Variants in TYMP observed in about 807,000 individuals in gnomAD.
TYMP encodes the protein thymidine phosphorylase.
TYMP carries 46 observed loss-of-function variants against 42.3 expected under a neutral mutation model. The ratio of observed to expected loss-of-function variants is 1.09; its 90% CI spans 0.86 to 1.39. TYMP has a LOEUF of 1.39. TYMP is among the 40% of genes most tolerant of loss of function. TYMP has a pLI of 0.00. For synonymous variants in TYMP, 363 were observed against 308.0 expected (o/e 1.18, Z -1.87); for missense variants, 837 against 677.6 (o/e 1.24, Z -2.61).
At chr22:50,526,765 C>T (rs1388432906) in intron 6 of TYMP, 27 bp from the exon 7 acceptor site, 1 of 1,530,988 alleles carries the variant, frequency 6.5e-7, no homozygotes, top group African/African-American at 1.4e-5. Flanking sequence ...CAGCGTGGAC[C>T]CCCCATGGCG....
chr22:50,528,789 G>T, intron 3 of TYMP, 179 bp from the exon 4 acceptor site: 1 of 660,824 alleles, frequency 1.5e-6, no homozygotes, highest in Non-Finnish European at 2.7e-6. Context: ...GTCAGTAGGG[G>T]AGGAGGTTGG....
At chr22:50,526,835 G>T in intron 6 of TYMP, 97 bp from the exon 7 acceptor site, 1 of 1,307,260 alleles carries the variant, frequency 7.6e-7, no homozygotes, top group East Asian at 2.5e-5. Context: ...TGGGTTGCCA[G>T]CCCCCCAGCA....
At chr22:50,529,054 T>G in intron 3 of TYMP, 82 bp downstream of exon 3, 212 of 1,441,810 alleles carry the variant, frequency 1.5e-4, no homozygotes, top group Non-Finnish European at 1.8e-4. Context: ...GGGCCAGGCT[T>G]GAGGTTGGGA....
intron 1 of TYMP, 62 bp downstream of exon 1, chr22:50,529,842 T>C (rs1603442102): frequency 2.4e-6 from 2 of 847,362 alleles, no homozygotes; most frequent in East Asian, 2.7e-5. Flanking sequence ...CCCGTGTCTG[T>C]GTCGCCCTCG....
Position 50,528,928 on chromosome 22 carries a change from CAA to C in TYMP, c.417+206_417+207del, listed in dbSNP as rs1428084868. 5 of 640,124 alleles carry C rather than the reference CAA, an allele frequency of 7.8e-6. No individual in the cohort carries two copies. In the African/African-American group the frequency reaches 9.1e-5, roughly 12 times the overall value. 39.7% of individuals were successfully genotyped at this position (640,124 alleles called of 1,614,324 possible). A position where few individuals can be genotyped will look rare whatever the true frequency, so the allele number is the denominator to read the frequency against. On this transcript the variant is annotated intron_variant, in intron 3 of 9. Coordinates refer to ENST00000252029, the MANE Select transcript of TYMP (RefSeq NM_001953.5). ...CCATCAGTGGATCTTTTTCCTGCTC[CAA>C]GGGGCCTGGTCTGGAGCCAGAGGGG...
chr22:50,529,677 G>C lies in TYMP; in HGVS notation c.33C>G (p.Ala11=). The C allele has an allele frequency of 6.2e-7, 1 of 1,611,878 alleles. No homozygotes were observed. The highest frequency in any genetic ancestry group is 8.5e-7 in the Non-Finnish European group (1 of 1,179,594). Residue 11 remains alanine, a synonymous_variant, in exon 2 of 10, where the codon GCC becomes GCG. Coordinates refer to ENST00000252029, the MANE Select transcript of TYMP (RefSeq NM_001953.5). ...CGGAGAAGTCACCAGGCGCGGGTGGGGCCCCGGTTCCCGGGGTCATCAAGG... is the reference window on the plus strand; with the variant it reads ...CGGAGAAGTCACCAGGCGCGGGTGGCGCCCCGGTTCCCGGGGTCATCAAGG... MAALMTPGTG[A]PPAPGDFSGE... is the part of the protein sequence containing the mutation.
rs188531143 is a variant in TYMP, at chr22:50,529,484, C to T, written c.214+12G>A. The T allele has an allele frequency of 1.7e-5, 28 of 1,612,070 alleles. No individual in the cohort carries two copies. The highest frequency in any genetic ancestry group is 8.3e-5 in the Admixed American group (5 of 60,026). ...CAGTCGGGGTCAGGAACGCCCAACC[C>T]TCCCCACGCACCGATCTGTGCGCCC... On this transcript the variant is annotated intron_variant, in intron 2 of 9. Transcript: ENST00000252029.
rs775483918 is a variant in TYMP, at chr22:50,526,463, G to A, written c.942C>T (p.Leu314=). The change falls in exon 8 of 10, where the codon CTC becomes CTT. Residue 314 remains leucine, a synonymous_variant. Transcript: ENST00000252029. ...DLVTTLGGAL[L]WLSGHAGTQA... is the part of the protein sequence containing the mutation. ...GAGTCCCCGCGTGTCCGCTGAGCCAGAGCAGGGCGCCCCCTGCGGGCGGGG... is the reference window on the plus strand; with the variant it reads ...GAGTCCCCGCGTGTCCGCTGAGCCAAAGCAGGGCGCCCCCTGCGGGCGGGG... The A allele has an allele frequency of 6.7e-7, 1 of 1,493,130 alleles. No homozygotes were observed. The highest frequency in any genetic ancestry group is 8.8e-7 in the Non-Finnish European group (1 of 1,130,110). The allele number at this position is 1,493,130 out of a possible 1,614,324, so 92.5% of individuals were successfully genotyped here.
chr22:50,528,482 G>A (rs2069474745), intron 4 of TYMP, 30 bp downstream of exon 4: 3 of 1,585,244 alleles, frequency 1.9e-6, no homozygotes, highest in South Asian at 1.1e-5. Context: ...CATCAACCTG[G>A]ATTAATGACT....
rs1171808968 is a variant in TYMP, at chr22:50,526,456, T to C, written c.949A>G (p.Ser317Gly). ...TTLGGALLWL[S>G]GHAGTQAQGA... ...TGGGCCTGAGTCCCCGCGTGTCCGC[T>C]GAGCCAGAGCAGGGCGCCCCCTGCG... is the stretch of plus-strand genomic sequence containing the variant. The change falls in exon 8 of 10, where the codon AGC becomes GGC. Residue 317 changes from serine (S) to glycine (G), a missense_variant. Coordinates refer to ENST00000252029, the MANE Select transcript of TYMP (RefSeq NM_001953.5). 1.1e-5 allele frequency: 16 copies of C among 1,493,718 alleles called. No homozygotes were observed. The highest frequency in any genetic ancestry group is 1.2e-5 in the Non-Finnish European group (14 of 1,130,640). 92.5% of individuals were successfully genotyped at this position (1,493,718 alleles called of 1,614,324 possible). A position where few individuals can be genotyped will look rare whatever the true frequency, so the allele number is the denominator to read the frequency against.
At chr22:50,528,301 C>G in intron 4 of TYMP, 1 of 629,554 alleles carries the variant, frequency 1.6e-6, no homozygotes. Context: ...CACCGTGCCC[C>G]GCCAGCCATC....
intron 4 of TYMP, chr22:50,528,130 GCC>G (rs1463915094): frequency 2.6e-6 from 1 of 384,910 alleles, no homozygotes; most frequent in African/African-American, 2.1e-5. Flanking sequence ...TCCTGCCTCA[GCC>G]TCCTGAGTAG....
chr22:50,528,661 T>C (rs769697300), intron 3 of TYMP, 51 bp from the exon 4 acceptor site: 23 of 1,406,618 alleles, frequency 1.6e-5, no homozygotes, highest in Non-Finnish European at 2.2e-5. Flanking sequence ...CCCCCACCTC[T>C]GTGCATCCCT....
In TYMP at chr22:50,527,179, G is replaced by C. The variant is rs1487581282; in HGVS notation, c.751C>G (p.Leu251Val). The change falls in exon 6 of 10, where the codon CTG becomes GTG. Residue 251 changes from leucine to valine, a missense_variant. Physicochemically the swap from Leu to Val is conservative, Grantham distance 32. Coordinates refer to ENST00000252029, the MANE Select transcript of TYMP (RefSeq NM_001953.5). ...ACACCGCTCACCAGCGTCTTTGCCA[G>C]CTCCCGGGCCTGCTCCTGGTTGGGG... Reference protein sequence around the residue: ...VFPNQEQARELAKTLVGVGAS... With the variant: ...VFPNQEQAREVAKTLVGVGAS... 1 of 1,612,766 alleles carries C rather than the reference G, an allele frequency of 6.2e-7. No individual in the cohort carries two copies. The highest frequency in any genetic ancestry group is 2.2e-5 in the East Asian group (1 of 44,884).
chr22:50,530,031 G>T (rs2069535344), upstream of TYMP: 1 of 348,624 alleles, frequency 2.9e-6, no homozygotes, highest in Admixed American at 4.8e-5. Flanking sequence ...CGGGGCGGCG[G>T]CGCCCCAGGA....
At chr22:50,526,797 T>C (rs1487060773) in intron 6 of TYMP, 59 bp from the exon 7 acceptor site, 1 of 1,509,976 alleles carries the variant, frequency 6.6e-7, no homozygotes, top group Non-Finnish European at 8.9e-7. Context: ...AGCCGGTTCT[T>C]GGTCGAACTC....
chr22:50,526,684 C>T lies in TYMP; in HGVS notation c.820G>A (p.Asp274Asn). The T allele has an allele frequency of 6.5e-7, 1 of 1,547,002 alleles. No homozygotes were observed. Among genetic ancestry groups the T allele is most frequent in the Non-Finnish European group, 8.7e-7 (1 of 1,149,698 alleles). ...LRVAAALTAM[D>N]KPLGRCVGHA... ...CCCACGCAGCGACCCAGGGGCTTGTCCATGGCGGTCAGCGCTGCCGCGACC... is the reference window on the plus strand; with the variant it reads ...CCCACGCAGCGACCCAGGGGCTTGTTCATGGCGGTCAGCGCTGCCGCGACC... Residue 274 changes from aspartate to asparagine, a missense_variant, in exon 7 of 10, where the codon GAC becomes AAC. Asp to Asn is a conservative substitution (Grantham distance 23). Transcript: ENST00000252029.
Position 50,526,132 on chromosome 22 carries a change from T to C in TYMP, c.1169A>G (p.Glu390Gly). The change falls in exon 9 of 10, where the codon GAG becomes GGG. Residue 390 changes from glutamate (E) to glycine (G), a missense_variant. Physicochemically the swap from Glu to Gly is moderately conservative, Grantham distance 98 (BLOSUM62 -2). Coordinates refer to ENST00000252029, the MANE Select transcript of TYMP (RefSeq NM_001953.5). ...CGCCAGCGGCAGCGCCCGGACCAGC[T>C]CCACGGTGCCTGCGGGGAGAGGGGC... ...ELLAPADGTV[E>G]LVRALPLALV... 6.7e-7 allele frequency: 1 copy of C among 1,487,940 alleles called. No homozygotes were observed. The highest frequency in any genetic ancestry group is 8.9e-7 in the Non-Finnish European group (1 of 1,126,826). The allele number at this position is 1,487,940 out of a possible 1,614,324, so 92.2% of individuals were successfully genotyped here. A position where few individuals can be genotyped will look rare whatever the true frequency, so the allele number is the denominator to read the frequency against.
At chr22:50,527,437 C>T (rs765435346) in intron 5 of TYMP, 151 bp downstream of exon 5, 1 of 1,352,662 alleles carries the variant, frequency 7.4e-7, no homozygotes, top group African/African-American at 1.4e-5. Flanking sequence ...GAGTATCAGG[C>T]CACCCCACAT....
Sources: allele counts gnomAD v4.1 joint callset, GRCh38; gene constraint gnomAD v4.1.1; transcripts MANE v1.5; gene names NCBI Gene and HGNC (gene_info 2026-07-23, HGNC 2026-07-21).